Variants in UBFD1 observed in about 807,000 individuals in gnomAD.
UBFD1 encodes ubiquitin domain-containing protein UBFD1.
In UBFD1, 12 loss-of-function variants were observed where a neutral mutation model predicts 35.1. The observed-to-expected ratio is 0.34, with a 90% CI of 0.22 to 0.55. The LOEUF (loss-of-function observed/expected upper bound fraction) is 0.55, where lower values mean the gene tolerates loss of function less well. Ranked by LOEUF, UBFD1 falls within the 20% of genes least tolerant of loss-of-function variation. The pLI is 0.89. For synonymous variants in UBFD1, 178 were observed against 167.6 expected (o/e 1.06, Z -0.48); for missense variants, 337 against 410.8 (o/e 0.82, Z 1.55).
rs537195050 is a variant in UBFD1 at position 23,560,164 on chromosome 16, A to G, written c.564+488A>G. On this transcript the variant is annotated intron_variant, in intron 3 of 6. Coordinates refer to ENST00000395878, the MANE Select transcript of UBFD1 (RefSeq NM_019116.3). ...TGAAGCTGAGTAGGAAGACAACTAC[A>G]CTGATGGATTTGTTTATTTATTTTT... 4.9e-4 allele frequency among the ~76,000 whole-genome samples: 75 copies of G among 152,270 alleles called. 1 individual carries two copies. The highest frequency in any genetic ancestry group is 4.4e-4 in the Non-Finnish European group (30 of 68,012).
At chr16:23,559,285 C>G (rs1430155797) in intron 2 of UBFD1, 183 bp from the exon 3 acceptor site, 4 of 571,760 alleles carry the variant, frequency 7.0e-6, no homozygotes, top group Non-Finnish European at 9.4e-6. Context: ...AGGACTTACT[C>G]TAATAAATCT....
At chr16:23,559,727 C>CT in intron 3 of UBFD1, 51 bp downstream of exon 3, 1 of 1,610,712 alleles carries the variant, frequency 6.2e-7, no homozygotes, top group Non-Finnish European at 8.5e-7. Context: ...GCTTTGTCCT[C>CT]TTGAGCCGTG....
At chr16:23,562,791 AC>A in intron 5 of UBFD1, 61 bp downstream of exon 5, 1 of 1,426,766 alleles carries the variant, frequency 7.0e-7, no homozygotes, top group Non-Finnish European at 9.9e-7. Context: ...AGCAGCACTC[AC>A]ATTTTAGAGT....
chr16:23,574,166 G>A lies in UBFD1; in HGVS notation c.*3576G>A, dbSNP rs1966123440. 6.6e-6 allele frequency: 1 copy of A among 152,446 alleles called. No homozygotes were observed. Among genetic ancestry groups the A allele is most frequent in the Non-Finnish European group, 1.5e-5 (1 of 67,994 alleles). 9.4% of individuals were successfully genotyped at this position (152,446 alleles called of 1,614,324 possible). The stretch of plus-strand genomic sequence containing the variant: ...AAGAACCTTTTTTTTTTCTTAAAGA[G>A]TTCTGCTGAATTATTTGACAATATT... On this transcript the variant is annotated 3_prime_UTR_variant, in exon 7 of 7. Coordinates refer to ENST00000395878, the MANE Select transcript of UBFD1 (RefSeq NM_019116.3).
chr16:23,567,876 C>T (rs1281895376), intron 6 of UBFD1, among the ~76,000 whole-genome samples: 1 of 152,248 alleles, frequency 6.6e-6, no homozygotes, highest in Non-Finnish European at 1.5e-5. Flanking sequence ...CACATCAGCC[C>T]ATCCCAGGGA....
intron 6 of UBFD1, chr16:23,568,654 A>G (rs1567402024): frequency 1.3e-5 from 2 of 151,404 alleles, no homozygotes; most frequent in African/African-American, 4.8e-5. Flanking sequence ...CCCCGTCTCT[A>G]CTAAAATTAC....
chr16:23,572,831 T>TGACACC lies in UBFD1; in HGVS notation c.*2241_*2242insGACACC, dbSNP rs1966104165. 6.6e-6 allele frequency: 1 copy of TGACACC among 152,370 alleles called. No individual in the cohort carries two copies. Among genetic ancestry groups the TGACACC allele is most frequent in the Non-Finnish European group, 1.5e-5 (1 of 68,038 alleles). The allele number at this position is 152,370 out of a possible 1,614,324, so 9.4% of individuals were successfully genotyped here. Reference sequence around the variant, plus strand: ...ATGACACCTTTTCGTACGGAGCTGTTTGAGTATTGCTTTACAGAGCTCACT... The same window carrying TGACACC: ...ATGACACCTTTTCGTACGGAGCTGTTGACACCTGAGTATTGCTTTACAGAGCTCACT... On this transcript the variant is annotated 3_prime_UTR_variant, in exon 7 of 7. Coordinates refer to ENST00000395878, the MANE Select transcript of UBFD1 (RefSeq NM_019116.3).
chr16:23,563,468 A>G (rs1965967995), intron 5 of UBFD1, among the ~76,000 whole-genome samples: 1 of 151,948 alleles, frequency 6.6e-6, no homozygotes, highest in Non-Finnish European at 1.5e-5. Context: ...CTTGTTAGTT[A>G]CACTGCAGAA....
chr16:23,562,066 T>C (rs1239333568), intron 3 of UBFD1, 140 bp from the exon 4 acceptor site: 2 of 733,668 alleles, frequency 2.7e-6, no homozygotes, highest in Non-Finnish European at 4.5e-6. Flanking sequence ...GTGCTATAGT[T>C]TCAAAGGATC....
Position 23,558,183 on chromosome 16 carries a change from G to A in UBFD1, c.259G>A (p.Asp87Asn). 6.2e-7 allele frequency: 1 copy of A among 1,607,924 alleles called. No homozygotes were observed. ...CGGCGGCGCGGGCAGGGAGCTGGTG[G>A]ACTTGAAGATCATCTGGAATAAGAC... ...AGGGAGRELV[D>N]LKIIWNKTKH... Residue 87 changes from aspartate (D) to asparagine (N), a missense_variant, in exon 2 of 7, where the codon GAC becomes AAC. This residue lies in a region of UBFD1 where 198 missense variants were observed against 168.4 expected (regional missense o/e 1.18). Transcript: ENST00000395878.
chr16:23,562,553 C>T, intron 4 of UBFD1, 72 bp from the exon 5 acceptor site: 1 of 1,418,720 alleles, frequency 7.0e-7, no homozygotes, highest in African/African-American at 1.4e-5. Context: ...CAGGCGTGAG[C>T]CACCGCGCTT....
chr16:23,564,924 G>C (rs1418214636), intron 5 of UBFD1: 1 of 152,166 alleles, frequency 6.6e-6, no homozygotes, highest in East Asian at 1.9e-4. Context: ...CAATATGTTG[G>C]GGCTTCTGAG....
rs34119136 is a variant in UBFD1, at chr16:23,568,157, C to CTT, written c.819+1108_819+1109dup. 5.7e-3 allele frequency among the ~76,000 whole-genome samples: 653 copies of CTT among 114,554 alleles called. 11 individuals are homozygous for CTT. Among genetic ancestry groups the CTT allele is most frequent in the African/African-American group, 0.013 (387 of 29,524 alleles). 75.2% of individuals were successfully genotyped at this position (114,554 alleles called of 152,430 possible). On this transcript the variant is annotated intron_variant, in intron 6 of 6. Transcript: ENST00000395878. The stretch of plus-strand genomic sequence containing the variant: ...CTTCCACCCCTACTCTCTCTGTAGT[C>CTT]TTTTTTTTTTTTTTTTTTTTTGAGA...
rs1171715746 is a variant in UBFD1, at chr16:23,574,187, A to G, written c.*3597A>G. ...AAGAGTTCTGCTGAATTATTTGACA[A>G]TATTTGTAAGTACCATGTTTCCTTG... On this transcript the variant is annotated 3_prime_UTR_variant, in exon 7 of 7. Coordinates refer to ENST00000395878, the MANE Select transcript of UBFD1 (RefSeq NM_019116.3). 6.6e-6 allele frequency: 1 copy of G among 152,508 alleles called. No homozygotes were observed. The highest frequency in any genetic ancestry group is 1.5e-5 in the Non-Finnish European group (1 of 68,010). 9.4% of individuals were successfully genotyped at this position (152,508 alleles called of 1,614,324 possible).
rs2142224654 is a variant in UBFD1, at chr16:23,573,153, C to T, written c.*2563C>T. ...TTTTTTCCTCAGGATAATTTCTATA[C>T]AATTTCCTTACTGTCAGAGGGACCA... On this transcript the variant is annotated 3_prime_UTR_variant, in exon 7 of 7. Coordinates refer to ENST00000395878, the MANE Select transcript of UBFD1 (RefSeq NM_019116.3). 1 of 150,062 alleles carries T rather than the reference C, an allele frequency of 6.7e-6. No homozygotes were observed. The highest frequency in any genetic ancestry group is 6.7e-5 in the Admixed American group (1 of 15,010). The allele number at this position is 150,062 out of a possible 1,614,324, so 9.3% of individuals were successfully genotyped here.
intron 6 of UBFD1, among the ~76,000 whole-genome samples, chr16:23,568,264 A>G (rs1224045345): frequency 1.3e-5 from 2 of 148,156 alleles, no homozygotes; most frequent in African/African-American, 5.0e-5. Flanking sequence ...GGTTCAGGCG[A>G]TTCTCCTGCC....
chr16:23,568,460 C>T (rs771571759), intron 6 of UBFD1, among the ~76,000 whole-genome samples: 7 of 151,806 alleles, frequency 4.6e-5, no homozygotes, highest in Non-Finnish European at 8.8e-5. Flanking sequence ...GCCCAGCCCT[C>T]TCTCTGTAGT....
In UBFD1 at chr16:23,560,184, A is replaced by AT. The variant is rs1039005023; in HGVS notation, c.564+515dup. Among the ~76,000 whole-genome samples, 104 of 151,956 alleles carry AT rather than the reference A, an allele frequency of 6.8e-4. 1 individual carries two copies. The highest frequency in any genetic ancestry group is 1.1e-3 in the Non-Finnish European group (78 of 67,930). On this transcript the variant is annotated intron_variant, in intron 3 of 6. Transcript: ENST00000395878. ...ACTACACTGATGGATTTGTTTATTT[A>AT]TTTTTTTGTCCTGATCTGTGAAATA... is the stretch of plus-strand genomic sequence containing the variant.
chr16:23,563,101 T>C (rs1965961795), intron 5 of UBFD1, among the ~76,000 whole-genome samples: 1 of 151,630 alleles, frequency 6.6e-6, no homozygotes, highest in African/African-American at 2.4e-5. Context: ...TTTTGGCTTC[T>C]CTTGAAAACT....
Sources: allele counts gnomAD v4.1 joint callset (sites outside exome capture counted in the v4.1 genomes callset), GRCh38; gene constraint gnomAD v4.1.1; regional missense constraint gnomAD v4.1.1; transcripts MANE v1.5; gene names NCBI Gene and HGNC (gene_info 2026-07-23, HGNC 2026-07-21).